Variants in SAMHD1 observed in about 807,000 individuals in gnomAD.
SAMHD1 encodes deoxynucleoside triphosphate triphosphohydrolase SAMHD1.
SAMHD1 carries 54 observed loss-of-function variants against 79.6 expected under a neutral mutation model. That is an observed-to-expected ratio of 0.68 (90% CI 0.55 to 0.85). The LOEUF (loss-of-function observed/expected upper bound fraction) is 0.85, where lower values mean the gene tolerates loss of function less well. Ranked by LOEUF, SAMHD1 falls within the 40% of genes least tolerant of loss-of-function variation. The pLI is 0.00. For missense variants in SAMHD1, 663 were observed against 782.7 expected, an observed-to-expected ratio of 0.85 and a Z score of 1.82; for synonymous variants, 260 against 264.1, an observed-to-expected ratio of 0.98 and a Z score of 0.15.
chr20:36,903,554 TTC>T (rs2063388162), intron 13 of SAMHD1, among the ~76,000 whole-genome samples: 1 of 76,566 alleles, frequency 1.3e-5, no homozygotes, highest in Non-Finnish European at 3.1e-5. Flanking sequence ...TTTTTTCTTT[TTC>T]TTTTTTTTTT....
chr20:36,946,693 T>G (rs1361621009), intron 2 of SAMHD1, 45 bp downstream of exon 2: 2 of 1,462,828 alleles, frequency 1.4e-6, no homozygotes, highest in Non-Finnish European at 1.9e-6. Flanking sequence ...GAAAGATGGA[T>G]AAAGTGTGTT....
intron 11 of SAMHD1, among the ~76,000 whole-genome samples, chr20:36,909,252 G>A (rs1171392068): frequency 6.6e-6 from 1 of 152,080 alleles, no homozygotes; most frequent in Non-Finnish European, 1.5e-5. Flanking sequence ...GTAAGCCACC[G>A]TGCCCGGCCC....
At chr20:36,942,717 G>A (rs1452544209) in intron 2 of SAMHD1, among the ~76,000 whole-genome samples, 2 of 151,718 alleles carry the variant, frequency 1.3e-5, no homozygotes. Context: ...CGTGATCTCG[G>A]CTCACTGCAA....
At chr20:36,950,754 T>G (rs2063728365) in intron 1 of SAMHD1, among the ~76,000 whole-genome samples, 1 of 152,226 alleles carries the variant, frequency 6.6e-6, no homozygotes, top group Non-Finnish European at 1.5e-5. Flanking sequence ...CCTTACCATG[T>G]TCTGCAAGTG....
intron 15 of SAMHD1, among the ~76,000 whole-genome samples, chr20:36,895,501 T>A (rs981215259): frequency 2.0e-5 from 3 of 151,982 alleles, no homozygotes; most frequent in Non-Finnish European, 2.9e-5. Context: ...TAATAATAAT[T>A]ATTATTATCC....
At chr20:36,917,715 A>G (rs1189541594) in intron 7 of SAMHD1, among the ~76,000 whole-genome samples, 1 of 152,204 alleles carries the variant, frequency 6.6e-6, no homozygotes, top group African/African-American at 2.4e-5. Context: ...TTCATGCATT[A>G]AAACAGTACT....
intron 5 of SAMHD1, 62 bp from the exon 6 acceptor site, chr20:36,927,314 C>CTTTTTTT (rs529639777): frequency 7.8e-6 from 6 of 766,236 alleles, no homozygotes; most frequent in Non-Finnish European, 1.2e-5. Context: ...AAACTTTTTC[C>CTTTTTTT]TTTTTTTTTT....
At chr20:36,920,097 C>G (rs1309395229) in intron 6 of SAMHD1, among the ~76,000 whole-genome samples, 1 of 152,042 alleles carries the variant, frequency 6.6e-6, no homozygotes, top group African/African-American at 2.4e-5. Flanking sequence ...AAAACAAAAC[C>G]TGAATTATCC....
intron 1 of SAMHD1, among the ~76,000 whole-genome samples, chr20:36,949,305 C>T (rs2063716360): frequency 6.6e-6 from 1 of 151,296 alleles, no homozygotes; most frequent in South Asian, 2.1e-4. Flanking sequence ...AAAAAATAAT[C>T]AAACAGAGGC....
chr20:36,896,265 G>A (rs1601111474), intron 15 of SAMHD1, among the ~76,000 whole-genome samples: 2 of 151,686 alleles, frequency 1.3e-5, no homozygotes, highest in African/African-American at 4.8e-5. Flanking sequence ...GAGCCACCGC[G>A]CCCAGCCTAT....
At chr20:36,930,509 A>G (rs1309598125) in intron 5 of SAMHD1, among the ~76,000 whole-genome samples, 1 of 151,664 alleles carries the variant, frequency 6.6e-6, no homozygotes, top group Non-Finnish European at 1.5e-5. Context: ...AAAAAACAAC[A>G]ACAAAAAAAC....
chr20:36,951,322 G>A, intron 1 of SAMHD1, 114 bp downstream of exon 1: 1 of 1,473,654 alleles, frequency 6.8e-7, no homozygotes, highest in Non-Finnish European at 9.2e-7. Flanking sequence ...GGTGCCTCCC[G>A]CCGCAGGGCT....
chr20:36,899,291 G>T (rs933624526), intron 13 of SAMHD1, among the ~76,000 whole-genome samples: 7 of 151,548 alleles, frequency 4.6e-5, no homozygotes, highest in African/African-American at 1.7e-4. Flanking sequence ...AGCCAGACGT[G>T]GTGTTGTGCA....
intron 15 of SAMHD1, 176 bp downstream of exon 15, chr20:36,897,646 C>A: frequency 1.4e-6 from 1 of 703,644 alleles, no homozygotes. Flanking sequence ...AGGAAGAAAT[C>A]ACTGGCTGAC....
chr20:36,926,923 G>A, intron 6 of SAMHD1: 1 of 400,586 alleles, frequency 2.5e-6, no homozygotes. Flanking sequence ...TAACGGCTTT[G>A]TGATTTTTGA....
intron 13 of SAMHD1, among the ~76,000 whole-genome samples, 166 bp from the exon 14 acceptor site, chr20:36,898,710 G>C (rs1379625026): frequency 6.6e-6 from 1 of 151,878 alleles, no homozygotes; most frequent in African/African-American, 2.4e-5. Flanking sequence ...TCAGGAGTTC[G>C]AGACCAGCCT....
chr20:36,915,622 A>G (rs183995770), intron 9 of SAMHD1, among the ~76,000 whole-genome samples: 15 of 152,068 alleles, frequency 9.9e-5, no homozygotes, highest in Non-Finnish European at 1.3e-4. Flanking sequence ...CTGTAAACCT[A>G]GCTAGTCACA....
At chr20:36,930,378 C>T (rs2063561223) in intron 5 of SAMHD1, among the ~76,000 whole-genome samples, 2 of 151,838 alleles carry the variant, frequency 1.3e-5, no homozygotes, top group Admixed American at 1.3e-4. Context: ...TGCCTGTAAT[C>T]CCAGCTACTC....
intron 13 of SAMHD1, 30 bp downstream of exon 13, chr20:36,904,127 A>AAC: frequency 7.2e-7 from 1 of 1,392,218 alleles, no homozygotes; most frequent in East Asian, 2.3e-5. Flanking sequence ...AAACGTATTC[A>AAC]CTCAGTTTAT....
Sources: allele counts gnomAD v4.1 joint callset (sites outside exome capture counted in the v4.1 genomes callset), GRCh38; gene constraint gnomAD v4.1.1; transcripts MANE v1.5; gene names NCBI Gene and HGNC (gene_info 2026-07-23, HGNC 2026-07-21).